GRM7: variants seen among roughly 807,000 people sequenced by gnomAD.
GRM7 encodes the protein metabotropic glutamate receptor 7.
Under a neutral mutation model 84.5 loss-of-function variants are expected in GRM7, and 35 were observed. The ratio of observed to expected loss-of-function variants is 0.41; its 90% CI spans 0.32 to 0.55. GRM7 has a LOEUF of 0.55. Among genes scored for constraint, GRM7 ranks in the 20% least tolerant of loss-of-function variants. The pLI, the probability that GRM7 is intolerant of heterozygous loss-of-function variation, is 0.19. For missense variants in GRM7, 1,003 were observed against 1,194.6 expected, an observed-to-expected ratio of 0.84 and a Z score of 2.36; for synonymous variants, 487 against 455.1, an observed-to-expected ratio of 1.07 and a Z score of -0.89.
At chr3:7,613,773 A>G (rs1362720027) in intron 8 of GRM7, among the ~76,000 whole-genome samples, 1 of 152,182 alleles carries the variant, frequency 6.6e-6, no homozygotes, top group South Asian at 2.1e-4. Context: ...AATTTCTGAC[A>G]TCAAGACCTC....
chr3:7,342,280 C>T (rs1031754995), intron 4 of GRM7, among the ~76,000 whole-genome samples: 1 of 152,056 alleles, frequency 6.6e-6, no homozygotes, highest in Admixed American at 6.6e-5. Flanking sequence ...TTAGCTGTAC[C>T]CTCATCTCAA....
At position 7,093,631 on chromosome 3, in the gene GRM7, C is replaced by T. The variant is rs529700718; in HGVS notation, c.520-52821C>T. On this transcript the variant is annotated intron_variant, in intron 1 of 9. Transcript: ENST00000357716. ...GGCAGAGGTTGCAGTAACACTAGAT[C>T]ACACCACTGCACTCCAGCCTGGGCG... 4.9e-5 allele frequency among the ~76,000 whole-genome samples: 6 copies of T among 123,328 alleles called. No individual in the cohort carries two copies. In the South Asian group the frequency reaches 1.6e-3, roughly 34 times the overall value. The allele number at this position is 123,328 out of a possible 152,430, so 80.9% of individuals were successfully genotyped here. A position where few individuals can be genotyped will look rare whatever the true frequency, so the allele number is the denominator to read the frequency against.
At chr3:7,180,024 C>T (rs1415554055) in intron 2 of GRM7, among the ~76,000 whole-genome samples, 1 of 152,118 alleles carries the variant, frequency 6.6e-6, no homozygotes, top group African/African-American at 2.4e-5. Flanking sequence ...TTTAATTGAC[C>T]TTAGAATCTA....
intron 2 of GRM7, among the ~76,000 whole-genome samples, chr3:7,189,679 G>C (rs1463630344): frequency 6.6e-6 from 1 of 152,130 alleles, no homozygotes; most frequent in Non-Finnish European, 1.5e-5. Context: ...GAAGATAGGA[G>C]GAGCTGGTTT....
At position 7,331,828 on chromosome 3, in the gene GRM7, A is replaced by C. The variant is rs1265303990; in HGVS notation, c.1033+25176A>C. On this transcript the variant is annotated intron_variant, in intron 4 of 9. Coordinates refer to ENST00000357716, the MANE Select transcript of GRM7 (RefSeq NM_000844.4). ...TCTAAGGGCTCTACCATTATTAAAG[A>C]ATTAGAGAAGAATCAAGGGATTCAA... Among the ~76,000 whole-genome samples, 3 of 152,282 alleles carry C rather than the reference A, an allele frequency of 2.0e-5. No homozygotes were observed. In the East Asian group the frequency reaches 5.8e-4, roughly 29 times the overall value.
chr3:7,045,744 A>C (rs190759637), intron 1 of GRM7, among the ~76,000 whole-genome samples: 2 of 152,090 alleles, frequency 1.3e-5, no homozygotes, highest in African/African-American at 2.4e-5. Flanking sequence ...ATAATATTCC[A>C]TTATTTGTGT....
rs995734354 is a variant in GRM7 at position 7,360,243 on chromosome 3, G to A, written c.1033+53591G>A. 2.8e-5 allele frequency among the ~76,000 whole-genome samples: 4 copies of A among 145,410 alleles called. 1 individual carries two copies. Among genetic ancestry groups the A allele is most frequent in the South Asian group, 2.1e-4 (1 of 4,654 alleles). ...TGAATAAACCTAAATTTGTTTATTC[G>A]CAAGCCATTTTTATTAGGAAATAGA... On this transcript the variant is annotated intron_variant, in intron 4 of 9. Coordinates refer to ENST00000357716, the MANE Select transcript of GRM7 (RefSeq NM_000844.4).
chr3:7,396,958 C>T (rs897638661), intron 4 of GRM7, among the ~76,000 whole-genome samples: 6 of 151,950 alleles, frequency 3.9e-5, no homozygotes, highest in Admixed American at 3.9e-4. Context: ...AAAAGTACCC[C>T]AGGAGCCTTT....
chr3:7,235,156 T>C (rs942228751), intron 2 of GRM7, among the ~76,000 whole-genome samples: 3 of 152,226 alleles, frequency 2.0e-5, no homozygotes, highest in Non-Finnish European at 2.9e-5. Context: ...TACTAGTTAC[T>C]ACCATCAACT....
intron 1 of GRM7, among the ~76,000 whole-genome samples, chr3:6,897,948 G>A (rs1027520624): frequency 6.6e-5 from 10 of 152,092 alleles, no homozygotes; most frequent in East Asian, 1.9e-4. Flanking sequence ...GAGGGATGCC[G>A]CCATCCATCA....
chr3:7,083,443 T>A (rs977331729), intron 1 of GRM7, among the ~76,000 whole-genome samples: 2 of 152,124 alleles, frequency 1.3e-5, no homozygotes, highest in African/African-American at 4.8e-5. Context: ...CAAAAAAACC[T>A]CATGTGACTC....
intron 9 of GRM7, among the ~76,000 whole-genome samples, chr3:7,682,672 A>G (rs1043287433): frequency 6.6e-6 from 1 of 152,176 alleles, no homozygotes; most frequent in Non-Finnish European, 1.5e-5. Flanking sequence ...AGTTTAGACA[A>G]TTCAATACTA....
At chr3:7,071,149 T>A (rs1426915285) in intron 1 of GRM7, among the ~76,000 whole-genome samples, 1 of 152,020 alleles carries the variant, frequency 6.6e-6, no homozygotes, top group Admixed American at 6.6e-5. Context: ...GATGGTGGCT[T>A]TCTTCTGTTT....
chr3:7,293,048 A>AAAAAAAAAAAAAAAG (rs1559558597), intron 2 of GRM7, among the ~76,000 whole-genome samples: 3 of 151,692 alleles, frequency 2.0e-5, no homozygotes, highest in African/African-American at 7.3e-5. Flanking sequence ...AAAAAAAAAA[A>AAAAAAAAAAAAAAAG]AAATTGAGCT....
intron 2 of GRM7, among the ~76,000 whole-genome samples, chr3:7,243,573 C>A (rs1486571928): frequency 6.6e-6 from 1 of 152,088 alleles, no homozygotes; most frequent in Non-Finnish European, 1.5e-5. Context: ...GGGACATGAA[C>A]CCATTCTAAA....
At chr3:7,286,344 G>T (rs1460424330) in intron 2 of GRM7, among the ~76,000 whole-genome samples, 1 of 152,104 alleles carries the variant, frequency 6.6e-6, no homozygotes, top group Non-Finnish European at 1.5e-5. Context: ...TTTCTGACTT[G>T]TTATACTCTG....
chr3:6,906,819 C>G (rs1696594977), intron 1 of GRM7, among the ~76,000 whole-genome samples: 1 of 152,082 alleles, frequency 6.6e-6, no homozygotes, highest in Admixed American at 6.6e-5. Flanking sequence ...AAAAGTTTCT[C>G]TAAATATAAA....
chr3:7,508,070 A>C (rs1700090279), intron 7 of GRM7, among the ~76,000 whole-genome samples: 1 of 152,160 alleles, frequency 6.6e-6, no homozygotes, highest in African/African-American at 2.4e-5. Context: ...TCACATTTTC[A>C]ATGTCTGTGT....
In GRM7 at chr3:7,129,260, C is replaced by T. The variant is rs545096061; in HGVS notation, c.520-17192C>T. ...CTACTTACTTTGTCTTCTTTGCCTT[C>T]TACACAAATACTTCAAAAATTGATT... On this transcript the variant is annotated intron_variant, in intron 1 of 9. Transcript: ENST00000357716. Among the ~76,000 whole-genome samples the T allele has an allele frequency of 1.3e-3, 195 of 152,274 alleles. 2 individuals carry two copies. Among genetic ancestry groups the T allele is most frequent in the African/African-American group, 4.6e-3 (191 of 41,550 alleles).
Sources: allele counts gnomAD v4.1 joint callset (sites outside exome capture counted in the v4.1 genomes callset), GRCh38; gene constraint gnomAD v4.1.1; transcripts MANE v1.5; gene names NCBI Gene and HGNC (gene_info 2026-07-23, HGNC 2026-07-21).